Variants in LLGL2 observed in about 807,000 individuals in gnomAD.
LLGL2 encodes LLGL scribble cell polarity complex component 2.
A neutral mutation model predicts 123.2 loss-of-function variants in LLGL2; 81 were observed. The observed-to-expected ratio is 0.66, with a 90% confidence interval of 0.55 to 0.79. The LOEUF (loss-of-function observed/expected upper bound fraction) is 0.79. Among genes scored for constraint, LLGL2 ranks in the 30% least tolerant of loss-of-function variants. The pLI, the probability that LLGL2 is intolerant of heterozygous loss-of-function variation, is 0.00. For missense variants in LLGL2, 1,273 were observed against 1,414.6 expected (o/e 0.90, Z 1.61); for synonymous variants, 577 against 594.1 (o/e 0.97, Z 0.42).
Position 75,570,343 on chromosome 17 carries a change from C to T in LLGL2, c.1875-5C>T, listed in dbSNP as rs115615615. Reference sequence around the variant, plus strand: ...GCAGCACTGACAGCCTGCCATCCCCCCAAGGTGCACACTGCACCCCAGTGA... The same window carrying T: ...GCAGCACTGACAGCCTGCCATCCCCTCAAGGTGCACACTGCACCCCAGTGA... On this transcript the variant is annotated splice_polypyrimidine_tract_variant and splice_region_variant and intron_variant, in intron 15 of 25. Coordinates refer to ENST00000392550, the MANE Select transcript of LLGL2 (RefSeq NM_001031803.2). 184 of 1,611,674 alleles carry T rather than the reference C, an allele frequency of 1.1e-4. No homozygotes were observed. The African/African-American group carries it at 1.9e-3, about 17-fold the overall frequency.
In LLGL2 at chr17:75,573,650, G is replaced by A. The variant is rs1202085573; in HGVS notation, c.2876+19G>A. ...GAGCCAGGTGAGTGAAAGGGCCAGA[G>A]GCCTCTCCCGCCCCTCCCGCCCCTC... On this transcript the variant is annotated intron_variant, in intron 21 of 25. Coordinates refer to ENST00000392550, the MANE Select transcript of LLGL2 (RefSeq NM_001031803.2). The A allele has an allele frequency of 2.5e-6, 4 of 1,571,070 alleles. No homozygotes were observed. The highest frequency in any genetic ancestry group is 2.7e-5 in the African/African-American group (2 of 73,290).
Position 75,559,260 on chromosome 17 carries a change from C to A in LLGL2, c.380C>A (p.Pro127His). The part of the protein sequence containing the change: ...FTLRGPPGAA[P>H]SATQITVVLP... ...AGCTGTTCTTGTCACAGGGCTGCCC[C>A]CAGTGCCACACAGATCACCGTGGTC... The change falls in exon 6 of 26, where the codon CCC becomes CAC. Residue 127 changes from proline to histidine, a missense_variant. Transcript: ENST00000392550. The surrounding 1 kb of genome is among the most constrained non-coding windows in gnomAD (Gnocchi z 4.6). The A allele has an allele frequency of 1.2e-6, 2 of 1,604,614 alleles. No individual in the cohort carries two copies. Among genetic ancestry groups the A allele is most frequent in the East Asian group, 2.2e-5 (1 of 44,756 alleles).
rs375722979 is a variant in LLGL2 at position 75,528,386 on chromosome 17, A to G, written c.-31+2561A>G. ...CCTCTCAGCCTCCCAAAGTGCTGGGATTACAGGCGTAAGCCACCGCGCCCG... is the reference window on the plus strand; with the variant it reads ...CCTCTCAGCCTCCCAAAGTGCTGGGGTTACAGGCGTAAGCCACCGCGCCCG... On this transcript the variant is annotated intron_variant, in intron 1 of 25. Transcript: ENST00000392550. 7.9e-5 allele frequency among the ~76,000 whole-genome samples: 12 copies of G among 152,214 alleles called. 1 individual carries two copies. The East Asian group carries it at 1.4e-3, about 17-fold the overall frequency.
rs1568052317 is a variant in LLGL2, at chr17:75,558,921, ACC to A, written c.371+297_371+298del. On this transcript the variant is annotated intron_variant, in intron 5 of 25. Coordinates refer to ENST00000392550, the MANE Select transcript of LLGL2 (RefSeq NM_001031803.2). The surrounding 1 kb of genome is among the most constrained non-coding windows in gnomAD (Gnocchi z 4.0). ...TCCACACCACGCCTCCTCCATCCGCACCCCACCTCCTCCATCCGCACCCCGCC... is the reference window on the plus strand; with the variant it reads ...TCCACACCACGCCTCCTCCATCCGCACCACCTCCTCCATCCGCACCCCGCC... 3.0e-4 allele frequency: 90 copies of A among 298,984 alleles called. 1 individual carries two copies. The highest frequency in any genetic ancestry group is 7.9e-4 in the Admixed American group (15 of 19,104). 18.5% of individuals were successfully genotyped at this position (298,984 alleles called of 1,614,324 possible).
chr17:75,565,852 T>A (rs2055422267), intron 10 of LLGL2, among the ~76,000 whole-genome samples: 1 of 152,210 alleles, frequency 6.6e-6, no homozygotes, highest in Non-Finnish European at 1.5e-5. Context: ...CTGTCCTTGG[T>A]AGGCTCTCCT....
At position 75,574,869 on chromosome 17, in the gene LLGL2, A is replaced by G. The variant is rs111711973; in HGVS notation, c.3056-2A>G. 55 of 1,613,898 alleles carry G rather than the reference A, an allele frequency of 3.4e-5. No individual in the cohort carries two copies. The highest frequency in any genetic ancestry group is 4.6e-5 in the Non-Finnish European group (54 of 1,179,948). ...CTTGAGCTGTCCCTCTGTGTCCTTC[A>G]GCAGAGTGAGTGGCTGAGCGTCCAG... On this transcript the variant is annotated splice_acceptor_variant, in intron 25 of 25. Coordinates refer to ENST00000392550, the MANE Select transcript of LLGL2 (RefSeq NM_001031803.2). LOFTEE classifies it high-confidence loss of function.
chr17:75,554,763 C>A (rs2054828003), intron 2 of LLGL2, among the ~76,000 whole-genome samples: 1 of 151,932 alleles, frequency 6.6e-6, no homozygotes, highest in Non-Finnish European at 1.5e-5. Flanking sequence ...GTGGCGGGCG[C>A]CTGTAGTCCC....
At chr17:75,528,393 G>A (rs1387383969) in intron 1 of LLGL2, among the ~76,000 whole-genome samples, 2 of 152,078 alleles carry the variant, frequency 1.3e-5, no homozygotes, top group Non-Finnish European at 2.9e-5. Flanking sequence ...GGGATTACAG[G>A]CGTAAGCCAC....
At chr17:75,556,774 T>G (rs1421647266) in intron 3 of LLGL2, among the ~76,000 whole-genome samples, 1 of 152,174 alleles carries the variant, frequency 6.6e-6, no homozygotes, top group African/African-American at 2.4e-5. Context: ...AAAATTTTTT[T>G]CGGCACTTTG....
chr17:75,531,110 G>A (rs1013633769), intron 1 of LLGL2, among the ~76,000 whole-genome samples: 11 of 152,116 alleles, frequency 7.2e-5, no homozygotes, highest in Non-Finnish European at 1.3e-4. Flanking sequence ...GAGAGCACAG[G>A]CCTGTGCTGC....
At chr17:75,561,189 G>A (rs368880235) in intron 6 of LLGL2, among the ~76,000 whole-genome samples, 19 of 146,606 alleles carry the variant, frequency 1.3e-4, no homozygotes, top group African/African-American at 4.1e-4. Context: ...TTTTTAAAAC[G>A]TGCAACCCTT....
At chr17:75,567,950 GA>G (rs141562656) in intron 10 of LLGL2, 28,061 of 478,890 alleles carry the variant, frequency 0.059, 68 homozygotes, top group South Asian at 0.067. Flanking sequence ...CTCGAGAAAA[GA>G]AAAAAAAAAA....
chr17:75,568,808 GC>G lies in LLGL2; in HGVS notation c.1295del (p.Pro432HisfsTer102). ...PIDGGTSLTP[A>X]PPQRDLLLTG... ...TGATGGTGGCACCAGCCTGACCCCA[GC>G]CCCACCCCAGAGGGACCTGCTGCTC... is the stretch of plus-strand genomic sequence containing the variant. On this transcript the variant is annotated frameshift_variant, in exon 12 of 26. Coordinates refer to ENST00000392550, the MANE Select transcript of LLGL2 (RefSeq NM_001031803.2). LOFTEE classifies it high-confidence loss of function. 6.3e-7 allele frequency: 1 copy of G among 1,598,588 alleles called. No homozygotes were observed. Among genetic ancestry groups the G allele is most frequent in the Non-Finnish European group, 8.5e-7 (1 of 1,171,386 alleles).
chr17:75,574,687 A>T lies in LLGL2; in HGVS notation c.3055+19A>T. ...GGCGGAGGTGGGGGCTCTGGGCTTG[A>T]GTGCAGCTGCCAACCGTGCTGGGAA... is the stretch of plus-strand genomic sequence containing the variant. On this transcript the variant is annotated intron_variant, in intron 25 of 25. Transcript: ENST00000392550. 2.5e-6 allele frequency: 4 copies of T among 1,608,794 alleles called. No homozygotes were observed. Among genetic ancestry groups the T allele is most frequent in the Non-Finnish European group, 3.4e-6 (4 of 1,178,676 alleles).
chr17:75,570,220 CTT>C lies in LLGL2; in HGVS notation c.1841_1842del (p.Phe614Ter). Reference protein sequence around the residue: ...AFGTSHGFGLFDHQQRRQVFV... With the variant: ...AFGTSHGFGLXDHQQRRQVFV... ...TCGGCACCAGCCATGGCTTTGGCCT[CTT>C]TGACCACCAGCAGCGGCGGCAGGTC... is the stretch of plus-strand genomic sequence containing the variant. On this transcript the variant is annotated frameshift_variant, in exon 15 of 26. Transcript: ENST00000392550. LOFTEE classifies it high-confidence loss of function. 1.2e-6 allele frequency: 2 copies of C among 1,600,796 alleles called. No homozygotes were observed. Among genetic ancestry groups the C allele is most frequent in the Non-Finnish European group, 1.7e-6 (2 of 1,174,710 alleles).
At chr17:75,530,102 C>T (rs1020724092) in intron 1 of LLGL2, among the ~76,000 whole-genome samples, 1 of 152,230 alleles carries the variant, frequency 6.6e-6, no homozygotes, top group Non-Finnish European at 1.5e-5. Context: ...AGGCATCCGT[C>T]TGTCCCAGGC....
In LLGL2 at chr17:75,560,802, TAAAAAAAAAAAAAAAAA is replaced by T. The variant is rs372940306; in HGVS notation, c.530+1406_530+1422del. ...CGCCTGGCCCAGTTTGTTTATTTAT[TAAAAAAAAAAAAAAAAA>T]AAAAAAAAAAAAACAAAGAAAAAAC... On this transcript the variant is annotated intron_variant, in intron 6 of 25. Transcript: ENST00000392550. Among the ~76,000 whole-genome samples, 3 of 96,064 alleles carry T rather than the reference TAAAAAAAAAAAAAAAAA, an allele frequency of 3.1e-5. No homozygotes were observed. The Admixed American group carries it at 4.4e-4, about 14-fold the overall frequency. The allele number at this position is 96,064 out of a possible 152,430, so 63.0% of individuals were successfully genotyped here. A position where few individuals can be genotyped will look rare whatever the true frequency, so the allele number is the denominator to read the frequency against.
upstream of LLGL2, chr17:75,525,640 T>A (rs2053530398): frequency 6.7e-6 from 1 of 149,990 alleles, no homozygotes. The surrounding 1 kb of genome is among the most constrained non-coding windows in gnomAD (Gnocchi z 4.8). Context: ...GGCGGGGCGC[T>A]GGGCCCCGGC....
At position 75,558,601 on chromosome 17, in the gene LLGL2, G is replaced by C; in HGVS notation, c.345G>C (p.Glu115Asp). 1 of 1,609,682 alleles carries C rather than the reference G, an allele frequency of 6.2e-7. No homozygotes were observed. The highest frequency in any genetic ancestry group is 1.1e-5 in the South Asian group (1 of 90,088). The part of the protein sequence containing the change: ...KGGASELQED[E>D]SFTLRGPPGA... ...GGGCATCGGAGCTGCAGGAGGATGA[G>C]AGCTTCACACTGCGTGGACCCCCAG... Residue 115 changes from glutamate to aspartate, a missense_variant, in exon 5 of 26, where the codon GAG (glutamate) becomes GAC (aspartate). Glu to Asp is a conservative substitution (Grantham distance 45, BLOSUM62 2). Coordinates refer to ENST00000392550, the MANE Select transcript of LLGL2 (RefSeq NM_001031803.2). This position sits in a 1 kb window ranked among gnomAD's most constrained non-coding sequence, Gnocchi z 4.0.
Sources: allele counts gnomAD v4.1 joint callset (sites outside exome capture counted in the v4.1 genomes callset), GRCh38; gene constraint gnomAD v4.1.1; non-coding constraint Gnocchi (gnomAD v3.1); transcripts MANE v1.5; gene names NCBI Gene and HGNC (gene_info 2026-07-23, HGNC 2026-07-21).